PDE4D: variants seen among roughly 807,000 people sequenced by gnomAD.
PDE4D encodes phosphodiesterase 4D, also known as 3',5'-cyclic-AMP phosphodiesterase 4D.
Under a neutral mutation model 87.4 loss-of-function variants are expected in PDE4D, and 24 were observed. The observed-to-expected ratio is 0.27, with a 90% confidence interval of 0.20 to 0.39. PDE4D has a LOEUF of 0.39. Ranked by LOEUF, PDE4D falls within the 10% of genes least tolerant of loss-of-function variation. PDE4D has a pLI of 1.00. For synonymous variants in PDE4D, 384 were observed against 383.2 expected, an observed-to-expected ratio of 1.00 and a Z score of -0.02; for missense variants, 714 against 1,041.0, an observed-to-expected ratio of 0.69 and a Z score of 4.32.
intron 5 of PDE4D, among the ~76,000 whole-genome samples, chr5:59,076,130 T>C (rs1377530928): frequency 6.6e-6 from 1 of 152,190 alleles, no homozygotes; most frequent in East Asian, 1.9e-4. Context: ...TGGCCCACTT[T>C]GGCATTGAAC....
At chr5:59,901,553 T>G (rs975413250) in intron 3 of PDE4D, among the ~76,000 whole-genome samples, 9 of 152,222 alleles carry the variant, frequency 5.9e-5, no homozygotes, top group African/African-American at 1.7e-4. Context: ...CTCAAAGGAC[T>G]ATTTCAAAAT....
At chr5:59,492,638 G>A (rs1806427383) in intron 1 of PDE4D, among the ~76,000 whole-genome samples, 1 of 152,002 alleles carries the variant, frequency 6.6e-6, no homozygotes, top group Admixed American at 6.6e-5. Flanking sequence ...AATTTTCCAG[G>A]GTACATGTGC....
intron 1 of PDE4D, among the ~76,000 whole-genome samples, chr5:59,457,476 A>T (rs922472454): frequency 6.6e-6 from 1 of 152,250 alleles, no homozygotes; most frequent in Non-Finnish European, 1.5e-5. Context: ...TTATTGGAAT[A>T]TTCACTTTAT....
At chr5:60,060,950 T>A (rs1394325500) in intron 2 of PDE4D, among the ~76,000 whole-genome samples, 1 of 152,118 alleles carries the variant, frequency 6.6e-6, no homozygotes, top group Non-Finnish European at 1.5e-5. Flanking sequence ...AAGAGCTACT[T>A]CTGACAAACC....
At chr5:59,062,129 G>A (rs1385618864) in intron 5 of PDE4D, among the ~76,000 whole-genome samples, 1 of 152,084 alleles carries the variant, frequency 6.6e-6, no homozygotes, top group African/African-American at 2.4e-5. Context: ...ATCAGAAGAA[G>A]AAAAACAGTA....
chr5:60,251,154 AG>A (rs1323570924), intron 1 of PDE4D, among the ~76,000 whole-genome samples: 1 of 152,052 alleles, frequency 6.6e-6, no homozygotes, highest in Admixed American at 6.6e-5. Context: ...GTGTTATTAC[AG>A]GAGTCAAAAT....
intron 2 of PDE4D, among the ~76,000 whole-genome samples, chr5:60,038,299 G>C (rs1768047343): frequency 6.6e-6 from 1 of 152,136 alleles, no homozygotes; most frequent in Non-Finnish European, 1.5e-5. Context: ...ATTGATTTTT[G>C]TATAAGGTGT....
intron 1 of PDE4D, among the ~76,000 whole-genome samples, chr5:60,438,949 G>C (rs1249456953): frequency 6.6e-6 from 1 of 152,100 alleles, no homozygotes; most frequent in Non-Finnish European, 1.5e-5. Context: ...CTACCCTTAA[G>C]ATTTTGTCCT....
At chr5:59,886,407 C>G in intron 1 of PDE4D, among the ~76,000 whole-genome samples, 1 of 152,020 alleles carries the variant, frequency 6.6e-6, no homozygotes, top group Non-Finnish European at 1.5e-5. Flanking sequence ...GTCCCAGCTA[C>G]TCGGGAGGCT....
At chr5:59,520,620 G>T (rs1009171669) in intron 1 of PDE4D, among the ~76,000 whole-genome samples, 2 of 151,764 alleles carry the variant, frequency 1.3e-5, no homozygotes, top group African/African-American at 2.4e-5. Context: ...AGAGGAGAAC[G>T]ATTTAAGATG....
intron 1 of PDE4D, among the ~76,000 whole-genome samples, chr5:59,359,509 A>G (rs1225618578): frequency 6.6e-6 from 1 of 152,186 alleles, no homozygotes; most frequent in Non-Finnish European, 1.5e-5. Flanking sequence ...ATTAATCATG[A>G]GCAAAATTAA....
chr5:59,551,702 T>C (rs1277038593), intron 1 of PDE4D, among the ~76,000 whole-genome samples: 2 of 152,204 alleles, frequency 1.3e-5, no homozygotes, highest in African/African-American at 2.4e-5. Flanking sequence ...TTTTTCTTGA[T>C]TTTCCCATGT....
At chr5:59,001,434 G>A (rs1308426734) in intron 6 of PDE4D, among the ~76,000 whole-genome samples, 2 of 152,126 alleles carry the variant, frequency 1.3e-5, no homozygotes, top group East Asian at 3.9e-4. Context: ...GCCTTTAGCT[G>A]CTACAGTCCT....
chr5:59,142,309 T>C (rs1561558156), intron 5 of PDE4D, among the ~76,000 whole-genome samples: 1 of 152,106 alleles, frequency 6.6e-6, no homozygotes, highest in Non-Finnish European at 1.5e-5. Flanking sequence ...CCCTATAGAG[T>C]CTCCTAAATT....
At chr5:59,200,802 A>C (rs1027410802) in intron 2 of PDE4D, among the ~76,000 whole-genome samples, 2 of 151,828 alleles carry the variant, frequency 1.3e-5, no homozygotes, top group Non-Finnish European at 2.9e-5. Flanking sequence ...AGAACAACTT[A>C]AAGAACCATT....
At chr5:59,599,974 C>T (rs1827263231) in intron 1 of PDE4D, among the ~76,000 whole-genome samples, 3 of 152,192 alleles carry the variant, frequency 2.0e-5, no homozygotes, top group African/African-American at 7.2e-5. Flanking sequence ...TCTCATGGTA[C>T]TTTTGTGGGT....
In PDE4D at chr5:59,512,311, G is replaced by GAACAGA. The variant is rs571939656; in HGVS notation, c.456-296344_456-296343insTCTGTT. The stretch of plus-strand genomic sequence containing the variant: ...AGATATTTTCTCTGTTTCCATTAAG[G>GAACAGA]TTATATTCCTCTCTGGGTCAGTCAA... On this transcript the variant is annotated intron_variant, in intron 1 of 14. Transcript: ENST00000340635. 1.4e-4 allele frequency among the ~76,000 whole-genome samples: 22 copies of GAACAGA among 152,238 alleles called. No individual in the cohort carries two copies. The South Asian group carries it at 4.1e-3, about 29-fold the overall frequency.
chr5:60,007,801 C>T (rs895867622), intron 2 of PDE4D, among the ~76,000 whole-genome samples: 1 of 151,934 alleles, frequency 6.6e-6, no homozygotes, highest in Non-Finnish European at 1.5e-5. Context: ...ATGAAATCTA[C>T]AAATATTTAA....
At chr5:59,500,790 C>T (rs1808166618) in intron 1 of PDE4D, among the ~76,000 whole-genome samples, 1 of 151,956 alleles carries the variant, frequency 6.6e-6, no homozygotes, top group Admixed American at 6.6e-5. Flanking sequence ...TAAAGAGATC[C>T]CTCTACTACC....
Sources: gnomAD v4.1 joint callset for allele counts (sites outside exome capture counted in the v4.1 genomes callset) on GRCh38, gnomAD v4.1.1 for gene constraint, MANE v1.5 for transcripts, NCBI Gene and HGNC (gene_info 2026-07-23, HGNC 2026-07-21) for gene names.